The following KCNK5 variants were observed in gnomAD, a reference collection of about 807,000 sequenced individuals.
The protein encoded by KCNK5 is potassium channel subfamily K member 5.
Under a neutral mutation model 32.9 loss-of-function variants are expected in KCNK5, and 18 were observed. That is an observed-to-expected ratio of 0.55 (90% confidence interval 0.38 to 0.81). The LOEUF (loss-of-function observed/expected upper bound fraction) is 0.81, where lower values mean the gene tolerates loss of function less well. Ranked by LOEUF, KCNK5 falls within the 30% of genes least tolerant of loss-of-function variation. KCNK5 has a pLI of 0.00. For synonymous variants in KCNK5, 276 were observed against 275.3 expected (o/e 1.00, Z -0.03); for missense variants, 507 against 651.0 (o/e 0.78, Z 2.41).
intron 4 of KCNK5, among the ~76,000 whole-genome samples, chr6:39,193,826 C>T (rs1224875079): frequency 1.3e-5 from 2 of 152,132 alleles, no homozygotes; most frequent in South Asian, 2.1e-4. Flanking sequence ...CCCTGGGTAG[C>T]AGGTACCAAC....
intron 1 of KCNK5, among the ~76,000 whole-genome samples, chr6:39,218,123 T>C (rs1481699084): frequency 1.4e-5 from 2 of 144,694 alleles, no homozygotes; most frequent in Non-Finnish European, 3.0e-5. Flanking sequence ...CAAGCTGGAG[T>C]GTAGAGGCGC....
intron 1 of KCNK5, among the ~76,000 whole-genome samples, chr6:39,223,938 G>T (rs1265633949): frequency 6.6e-6 from 1 of 152,096 alleles, no homozygotes; most frequent in Non-Finnish European, 1.5e-5. Context: ...TTCAACACTT[G>T]CTAATTTCTA....
At chr6:39,211,792 C>G (rs557867694) in intron 1 of KCNK5, among the ~76,000 whole-genome samples, 281 of 151,738 alleles carry the variant, frequency 1.9e-3, no homozygotes, top group Middle Eastern at 6.8e-3. Context: ...GGTGAAACCC[C>G]GTCTCTACTA....
chr6:39,224,684 A>G (rs1359553850), intron 1 of KCNK5, among the ~76,000 whole-genome samples: 1 of 152,176 alleles, frequency 6.6e-6, no homozygotes, highest in Non-Finnish European at 1.5e-5. Flanking sequence ...GGTCAGCTAT[A>G]TGAGCAGTCA....
chr6:39,200,862 G>T (rs1192438456), intron 1 of KCNK5, among the ~76,000 whole-genome samples: 1 of 152,198 alleles, frequency 6.6e-6, no homozygotes, highest in Non-Finnish European at 1.5e-5. Context: ...CAGTGGTGGG[G>T]CATCCCCTTC....
intron 1 of KCNK5, among the ~76,000 whole-genome samples, chr6:39,203,606 C>T (rs942706287): frequency 6.6e-6 from 1 of 152,190 alleles, no homozygotes; most frequent in Non-Finnish European, 1.5e-5. Flanking sequence ...TAGATGGCAG[C>T]TTCTCTGAAC....
At chr6:39,213,106 A>T (rs1030971596) in intron 1 of KCNK5, among the ~76,000 whole-genome samples, 2 of 152,206 alleles carry the variant, frequency 1.3e-5, no homozygotes, top group Admixed American at 1.3e-4. Context: ...ACGAAGGGTC[A>T]ACTATACACT....
At chr6:39,227,311 A>C (rs1007249287) in intron 1 of KCNK5, among the ~76,000 whole-genome samples, 1 of 152,076 alleles carries the variant, frequency 6.6e-6, no homozygotes, top group African/African-American at 2.4e-5. Context: ...CCTGGAACAA[A>C]CTAAACAAAA....
Position 39,191,661 on chromosome 6 carries a change from G to A in KCNK5, c.729C>T (p.Asn243=). 1.2e-6 allele frequency: 2 copies of A among 1,613,990 alleles called. No homozygotes were observed. The highest frequency in any genetic ancestry group is 1.7e-6 in the Non-Finnish European group (2 of 1,180,014). The change falls in exon 5 of 5, where the codon AAC becomes AAT. Residue 243 remains asparagine (N), a synonymous_variant. Transcript: ENST00000359534. The surrounding 1 kb of genome is among the most constrained non-coding windows in gnomAD (Gnocchi z 5.8). Reference sequence around the variant, plus strand: ...CTTCCACAAACATGCTCACCTTCCAGTTGACAAAAAGGGACAGCCAGGCCA... The same window carrying A: ...CTTCCACAAACATGCTCACCTTCCAATTGACAAAAAGGGACAGCCAGGCCA... ...LGLAWLSLFV[N]WKVSMFVEVH...
chr6:39,207,312 A>G (rs1257476326), intron 1 of KCNK5, among the ~76,000 whole-genome samples: 1 of 152,246 alleles, frequency 6.6e-6, no homozygotes, highest in Non-Finnish European at 1.5e-5. Context: ...TAAATAGATC[A>G]TGAGCCCTAC....
At chr6:39,207,383 G>A (rs1484054778) in intron 1 of KCNK5, among the ~76,000 whole-genome samples, 1 of 152,228 alleles carries the variant, frequency 6.6e-6, no homozygotes, top group African/African-American at 2.4e-5. Flanking sequence ...ATGTGCTCAA[G>A]TATTTGCCAA....
At position 39,228,940 on chromosome 6, in the gene KCNK5, C is replaced by T; in HGVS notation, c.172G>A (p.Asp58Asn). The T allele has an allele frequency of 6.2e-7, 1 of 1,614,140 alleles. No individual in the cohort carries two copies. Among genetic ancestry groups the T allele is most frequent in the Non-Finnish European group, 8.5e-7 (1 of 1,180,008 alleles). ...EFPCLGQEGLDKILEVVSDAA... is the reference protein window; with the variant it reads ...EFPCLGQEGLNKILEVVSDAA... ...CGGCGACTGACCTCTAGGATCTTGT[C>T]CAGGCCCTCCTGACCCAGGCACGGG... The change falls in exon 1 of 5, where the codon GAC (aspartate) becomes AAC (asparagine). Residue 58 changes from aspartate (D) to asparagine (N), a missense_variant. Asp to Asn is a conservative substitution (Grantham distance 23, BLOSUM62 1). This residue lies in a region of KCNK5 where 143 missense variants were observed against 219.1 expected (regional missense o/e 0.65). Coordinates refer to ENST00000359534, the MANE Select transcript of KCNK5 (RefSeq NM_003740.4).
chr6:39,221,109 T>G (rs1477452601), intron 1 of KCNK5, among the ~76,000 whole-genome samples: 1 of 152,192 alleles, frequency 6.6e-6, no homozygotes, highest in East Asian at 1.9e-4. Context: ...ATCCTTCCAC[T>G]TCCTAGCTAC....
Position 39,194,431 on chromosome 6 carries a change from G to A in KCNK5, c.466-94C>T. ...GGCCAGGGAGGCAGCTAGAGGAGAA[G>A]CTAGCTGGGTACCCAGCCTGACCCG... On this transcript the variant is annotated intron_variant, in intron 3 of 4. Transcript: ENST00000359534. This position sits in a 1 kb window ranked among gnomAD's most constrained non-coding sequence, Gnocchi z 4.7. The A allele has an allele frequency of 6.9e-7, 1 of 1,448,556 alleles. No individual in the cohort carries two copies. The highest frequency in any genetic ancestry group is 9.4e-7 in the Non-Finnish European group (1 of 1,065,726). 89.7% of individuals were successfully genotyped at this position (1,448,556 alleles called of 1,614,324 possible).
intron 1 of KCNK5, among the ~76,000 whole-genome samples, chr6:39,224,247 T>TG: frequency 6.6e-6 from 1 of 152,288 alleles, no homozygotes; most frequent in South Asian, 2.1e-4. Context: ...CCCAAGGCTG[T>TG]GGAGGCCTCC....
chr6:39,229,035 A>G lies in KCNK5; in HGVS notation c.77T>C (p.Leu26Pro). The change falls in exon 1 of 5, where the codon CTG becomes CCG. Residue 26 changes from leucine to proline, a missense_variant. Leu to Pro is a moderately conservative substitution (Grantham distance 98). This residue lies in a region of KCNK5 where 143 missense variants were observed against 219.1 expected (regional missense o/e 0.65). Transcript: ENST00000359534. ...LAIGAAIFEV[L>P]EEPHWKEAKK... is the part of the protein sequence containing the mutation. ...GGCCTCCTTCCAGTGTGGCTCCTCC[A>G]GCACTTCGAAGATCGCCGCCCCGAT... 6.2e-7 allele frequency: 1 copy of G among 1,614,130 alleles called. No homozygotes were observed. The highest frequency in any genetic ancestry group is 1.1e-5 in the South Asian group (1 of 91,082).
At chr6:39,195,738 A>G in intron 2 of KCNK5, 138 bp downstream of exon 2, 1 of 578,740 alleles carries the variant, frequency 1.7e-6, no homozygotes, top group South Asian at 2.8e-5. Context: ...CAAATCCCTA[A>G]GAAAGTATCA....
Position 39,194,699 on chromosome 6 carries a change from G to C in KCNK5, c.360C>G (p.Leu120=), listed in dbSNP as rs375314745. 5.0e-6 allele frequency: 8 copies of C among 1,614,144 alleles called. No individual in the cohort carries two copies. In the South Asian group the frequency reaches 6.6e-5, roughly 13 times the overall value. The change falls in exon 3 of 5, where the codon CTC becomes CTG. Residue 120 remains leucine, a synonymous_variant. Coordinates refer to ENST00000359534, the MANE Select transcript of KCNK5 (RefSeq NM_003740.4). This position sits in a 1 kb window ranked among gnomAD's most constrained non-coding sequence, Gnocchi z 4.7. The stretch of plus-strand genomic sequence containing the variant: ...ACGTCAGGCAGAGCGGCACCCCGAA[G>C]AGACCATAGAAAACACAGAAGAGGC... ...AGRLFCVFYG[L]FGVPLCLTWI...
chr6:39,212,597 C>T (rs893659894), intron 1 of KCNK5, among the ~76,000 whole-genome samples: 8 of 152,190 alleles, frequency 5.3e-5, no homozygotes, highest in Admixed American at 2.6e-4. Flanking sequence ...CCCACGGGAC[C>T]GGGTGGAGCT....
Sources: gnomAD v4.1 joint callset for allele counts (sites outside exome capture counted in the v4.1 genomes callset) on GRCh38, gnomAD v4.1.1 for gene constraint, gnomAD v4.1.1 regional missense constraint, Gnocchi (gnomAD v3.1) non-coding constraint, MANE v1.5 for transcripts, NCBI Gene and HGNC (gene_info 2026-07-23, HGNC 2026-07-21) for gene names.